ZFAND2A: variants seen among roughly 807,000 people sequenced by gnomAD.
ZFAND2A encodes AN1-type zinc finger protein 2A.
Under a neutral mutation model 11.6 loss-of-function variants are expected in ZFAND2A, and 20 were observed. The observed-to-expected ratio is 1.72, with a 90% confidence interval of 1.21 to 2.50. The LOEUF (loss-of-function observed/expected upper bound fraction) is 2.50, where lower values mean the gene tolerates loss of function less well. Ranked by LOEUF, ZFAND2A falls within the 30% of genes most tolerant of loss-of-function variation. ZFAND2A has a pLI of 0.00. For missense variants in ZFAND2A, 234 were observed against 182.9 expected (o/e 1.28, Z -1.61); for synonymous variants, 93 against 60.6 (o/e 1.54, Z -2.48).
chr7:1,153,803 G>GA (rs1793455827), intron 4 of ZFAND2A, among the ~76,000 whole-genome samples: 1 of 152,196 alleles, frequency 6.6e-6, no homozygotes, highest in African/African-American at 2.4e-5. Flanking sequence ...AGATTAGCCA[G>GA]GCATGGTGGC....
At chr7:1,157,529 G>GA in intron 3 of ZFAND2A, 127 bp downstream of exon 3, 1 of 989,254 alleles carries the variant, frequency 1.0e-6, no homozygotes. Flanking sequence ...TAGTGGGACT[G>GA]AAAAACTGGA....
At chr7:1,159,746 G>T (rs1456468275) in intron 1 of ZFAND2A, among the ~76,000 whole-genome samples, 3 of 96,192 alleles carry the variant, frequency 3.1e-5, no homozygotes, top group African/African-American at 1.2e-4. Flanking sequence ...GACCCCGGCA[G>T]GCCCGGTCCC....
chr7:1,152,010 A>G (rs1056755258), downstream of ZFAND2A: 2 of 426,548 alleles, frequency 4.7e-6, no homozygotes, highest in Admixed American at 8.0e-5. Flanking sequence ...AGGATCTTGG[A>G]GGGCAGAAAA....
At chr7:1,155,738 T>A in intron 3 of ZFAND2A, 154 bp from the exon 4 acceptor site, 1 of 914,506 alleles carries the variant, frequency 1.1e-6, no homozygotes, top group Non-Finnish European at 1.6e-6. Context: ...CACTGGGTCA[T>A]GGATTAGCGG....
At chr7:1,150,291 C>A (rs1001822725), downstream of ZFAND2A, among the ~76,000 whole-genome samples, 2 of 152,068 alleles carry the variant, frequency 1.3e-5, no homozygotes, top group African/African-American at 2.4e-5. Flanking sequence ...GAATACAAAC[C>A]CTTCCCGTTA....
downstream of ZFAND2A, among the ~76,000 whole-genome samples, chr7:1,150,242 T>G (rs943205205): frequency 1.5e-4 from 23 of 152,136 alleles, no homozygotes; most frequent in African/African-American, 5.6e-4. Context: ...ATCGTTCCCC[T>G]GACTGCAGGT....
At chr7:1,158,992 C>T (rs1263598441) in intron 1 of ZFAND2A, among the ~76,000 whole-genome samples, 1 of 152,140 alleles carries the variant, frequency 6.6e-6, no homozygotes, top group Non-Finnish European at 1.5e-5. Flanking sequence ...CTCCTGGAGG[C>T]CTCCTAGACT....
rs567728404 is a variant in ZFAND2A at position 1,153,935 on chromosome 7, C to T, written c.283-711G>A. On this transcript the variant is annotated intron_variant, in intron 4 of 4. Coordinates refer to ENST00000316495, the MANE Select transcript of ZFAND2A (RefSeq NM_182491.4). ...CAGCCTGGGCGACAGAGCAAGAGTT[C>T]GTCCCTTTAAAAAGAAAGAAAAAAA... Among the ~76,000 whole-genome samples the T allele has an allele frequency of 9.2e-5, 14 of 151,734 alleles. No homozygotes were observed. The South Asian group carries it at 2.5e-3, about 27-fold the overall frequency.
At chr7:1,155,300 C>T (rs762372596) in intron 4 of ZFAND2A, among the ~76,000 whole-genome samples, 153 bp downstream of exon 4, 12 of 152,076 alleles carry the variant, frequency 7.9e-5, no homozygotes, top group Non-Finnish European at 1.3e-4. Context: ...TCAGGCCCCT[C>T]GCAGTTTAGG....
At chr7:1,152,323 A>C, downstream of ZFAND2A, 1 of 1,578,440 alleles carries the variant, frequency 6.3e-7, no homozygotes, top group Non-Finnish European at 8.6e-7. Context: ...GCCTGGATTC[A>C]GAGACTGTCA....
downstream of ZFAND2A, among the ~76,000 whole-genome samples, chr7:1,150,887 CTTTTTT>C (rs10568309): frequency 1.6e-5 from 2 of 128,106 alleles, no homozygotes; most frequent in Non-Finnish European, 1.6e-5. Flanking sequence ...ACAACTGTGC[CTTTTTT>C]TTTTTTTTTT....
At chr7:1,153,569 A>G (rs1162256586) in intron 4 of ZFAND2A, among the ~76,000 whole-genome samples, 1 of 152,180 alleles carries the variant, frequency 6.6e-6, no homozygotes, top group East Asian at 1.9e-4. Context: ...TCCGGTAAGA[A>G]CATTCCCATT....
At chr7:1,158,452 T>C (rs1793585636) in intron 1 of ZFAND2A, among the ~76,000 whole-genome samples, 195 bp from the exon 2 acceptor site, 1 of 152,224 alleles carries the variant, frequency 6.6e-6, no homozygotes, top group African/African-American at 2.4e-5. Flanking sequence ...TCACAGGCCT[T>C]TTAATTCCTA....
chr7:1,157,090 G>A (rs1015121225), intron 3 of ZFAND2A: 1 of 138,624 alleles, frequency 7.2e-6, no homozygotes, highest in Non-Finnish European at 1.6e-5. Flanking sequence ...AGTAAACACG[G>A]GCTGGGAACC....
downstream of ZFAND2A, among the ~76,000 whole-genome samples, chr7:1,149,945 C>G (rs149704210): frequency 6.6e-6 from 1 of 151,642 alleles, no homozygotes; most frequent in African/African-American, 2.4e-5. Flanking sequence ...CTCTGCCTCC[C>G]GGGTTCAAGC....
chr7:1,155,564 G>T lies in ZFAND2A; in HGVS notation c.171C>A (p.Cys57Ter). 2 of 1,613,288 alleles carry T rather than the reference G, an allele frequency of 1.2e-6. No homozygotes were observed. The highest frequency in any genetic ancestry group is 1.7e-6 in the Non-Finnish European group (2 of 1,179,636). Reference sequence around the variant, plus strand: ...CTGGGATGGGGGTATTACAGAGTGGGCATACTGGGACGTGAACATCCTAAA... The same window carrying T: ...CTGGGATGGGGGTATTACAGAGTGGTCATACTGGGACGTGAACATCCTAAA... Reference protein sequence around the residue: ...AFQKDVHVPVCPLCNTPIPVK... With the variant: ...AFQKDVHVPV Residue 57 changes from cysteine to a stop codon, truncating the protein, a stop_gained, in exon 4 of 5, where the codon TGC becomes TGA. Transcript: ENST00000316495. LOFTEE classifies it high-confidence loss of function.
downstream of ZFAND2A, among the ~76,000 whole-genome samples, chr7:1,149,031 C>G (rs1793350948): frequency 6.6e-6 from 1 of 151,940 alleles, no homozygotes; most frequent in Non-Finnish European, 1.5e-5. Context: ...CATCTGGGCT[C>G]AAGCAATCCG....
At position 1,155,229 on chromosome 7, in the gene ZFAND2A, C is replaced by G. The variant is rs569953998; in HGVS notation, c.282+224G>C. Among the ~76,000 whole-genome samples the G allele has an allele frequency of 1.3e-5, 2 of 152,134 alleles. 1 individual carries two copies. The highest frequency in any genetic ancestry group is 1.3e-4 in the Admixed American group (2 of 15,282). On this transcript the variant is annotated intron_variant, in intron 4 of 4. Coordinates refer to ENST00000316495, the MANE Select transcript of ZFAND2A (RefSeq NM_182491.4). ...AGGAGGGAAACTAGTAAATTCCAGT[C>G]AAGAAAGACGAACCTGACCTGGGAT...
intron 4 of ZFAND2A, among the ~76,000 whole-genome samples, chr7:1,153,966 C>T (rs775918105): frequency 2.0e-4 from 30 of 151,954 alleles, no homozygotes; most frequent in Non-Finnish European, 3.5e-4. Flanking sequence ...AAAAAAAAGC[C>T]GGTCAGCATT....
Sources: allele counts gnomAD v4.1 joint callset (sites outside exome capture counted in the v4.1 genomes callset), GRCh38; gene constraint gnomAD v4.1.1; transcripts MANE v1.5; gene names NCBI Gene and HGNC (gene_info 2026-07-23, HGNC 2026-07-21).